SINHCAF: variants seen among roughly 807,000 people sequenced by gnomAD.
The protein encoded by SINHCAF is SIN3-HDAC complex associated factor, also known as SIN3-HDAC complex-associated factor.
Under a neutral mutation model 25.8 loss-of-function variants are expected in SINHCAF, and 3 were observed. The ratio of observed to expected loss-of-function variants is 0.12; its 90% CI spans 0.05 to 0.30. The LOEUF (loss-of-function observed/expected upper bound fraction) is 0.30. Ranked by LOEUF, SINHCAF falls within the 10% of genes least tolerant of loss-of-function variation. The pLI is 1.00. For missense variants in SINHCAF, 121 were observed against 262.3 expected, an observed-to-expected ratio of 0.46 and a Z score of 3.72; for synonymous variants, 70 against 85.5, an observed-to-expected ratio of 0.82 and a Z score of 1.00.
intron 1 of SINHCAF, among the ~76,000 whole-genome samples, chr12:31,308,637 T>C (rs893281828): frequency 6.6e-6 from 1 of 152,152 alleles, no homozygotes; most frequent in Non-Finnish European, 1.5e-5. Context: ...GGATGAGGGA[T>C]GAGGATCCCC....
rs536967402 is a variant in SINHCAF at position 31,285,691 on chromosome 12, T to C, written c.506+1943A>G. 1.1e-4 allele frequency among the ~76,000 whole-genome samples: 16 copies of C among 152,084 alleles called. 1 individual carries two copies. In the South Asian group the frequency reaches 2.7e-3, roughly 26 times the overall value. On this transcript the variant is annotated intron_variant, in intron 5 of 5. Transcript: ENST00000337682. ...TCACAGAATTGTCATAAAGACTAAA[T>C]AAGGCCAGGTGCAGTAACTCACACC...
At chr12:31,309,664 A>ATTTTTTTTTTTTT (rs869251301) in intron 1 of SINHCAF, among the ~76,000 whole-genome samples, 7 of 128,740 alleles carry the variant, frequency 5.4e-5, no homozygotes, top group East Asian at 2.2e-4. Flanking sequence ...TCAACTTGTG[A>ATTTTTTTTTTTTT]TTTTTTTTTT....
chr12:31,299,636 T>C (rs994754930), intron 1 of SINHCAF, among the ~76,000 whole-genome samples: 3 of 152,208 alleles, frequency 2.0e-5, no homozygotes, highest in Non-Finnish European at 2.9e-5. Flanking sequence ...TTAATATCAC[T>C]TTCGTGTCCA....
chr12:31,300,173 TG>T (rs1260139411), intron 1 of SINHCAF, among the ~76,000 whole-genome samples: 1 of 152,144 alleles, frequency 6.6e-6, no homozygotes, highest in Non-Finnish European at 1.5e-5. Flanking sequence ...GCTTTTTATG[TG>T]TATTTTTTTG....
chr12:31,287,828 T>C (rs774126890), intron 4 of SINHCAF, 44 bp from the exon 5 acceptor site: 224 of 1,436,448 alleles, frequency 1.6e-4, no homozygotes, highest in Non-Finnish European at 2.1e-4. Context: ...TCAATTTCAT[T>C]ACATGTAATT....
At chr12:31,320,057 A>AT (rs1275595767) in intron 1 of SINHCAF, among the ~76,000 whole-genome samples, 1 of 152,082 alleles carries the variant, frequency 6.6e-6, no homozygotes, top group Non-Finnish European at 1.5e-5. Flanking sequence ...GTTCCTCATC[A>AT]TGGTGCATGA....
chr12:31,318,794 T>C (rs966063268), intron 1 of SINHCAF, among the ~76,000 whole-genome samples: 1 of 152,190 alleles, frequency 6.6e-6, no homozygotes, highest in South Asian at 2.1e-4. Context: ...AATATAACCA[T>C]ACTTGGGTCT....
chr12:31,322,124 A>G (rs1015088476), intron 1 of SINHCAF, among the ~76,000 whole-genome samples: 1 of 152,070 alleles, frequency 6.6e-6, no homozygotes, highest in African/African-American at 2.4e-5. Context: ...CGTATCTCCA[A>G]CCTCCCACAA....
chr12:31,325,323 A>T lies in SINHCAF; in HGVS notation c.-21+701T>A, dbSNP rs933626775. 6.8e-6 allele frequency: 3 copies of T among 438,194 alleles called. No individual in the cohort carries two copies. Among genetic ancestry groups the T allele is most frequent in the Non-Finnish European group, 1.4e-5 (3 of 218,154 alleles). The allele number at this position is 438,194 out of a possible 1,614,324, so 27.1% of individuals were successfully genotyped here. A position where few individuals can be genotyped will look rare whatever the true frequency, so the allele number is the denominator to read the frequency against. On this transcript the variant is annotated intron_variant, in intron 1 of 5. Transcript: ENST00000337682. The surrounding 1 kb of genome is among the most constrained non-coding windows in gnomAD (Gnocchi z 5.9). ...GCGAGTGGAAGACGGGCTGTTTTTAAGCGACCGCGTGTTGCTCTCATTGTC... is the reference window on the plus strand; with the variant it reads ...GCGAGTGGAAGACGGGCTGTTTTTATGCGACCGCGTGTTGCTCTCATTGTC...
In SINHCAF at chr12:31,324,814, C is replaced by T; in HGVS notation, c.-21+1210G>A. The stretch of plus-strand genomic sequence containing the variant: ...CCCGACCCTCCCCTCGGGAGCAGGC[C>T]CATTTAATCAAAGTTTTGCAGTGTC... On this transcript the variant is annotated intron_variant, in intron 1 of 5. Coordinates refer to ENST00000337682, the MANE Select transcript of SINHCAF (RefSeq NM_001135812.2). This position sits in a 1 kb window ranked among gnomAD's most constrained non-coding sequence, Gnocchi z 5.5. The T allele has an allele frequency of 1.1e-5, 4 of 372,228 alleles. No homozygotes were observed. Among genetic ancestry groups the T allele is most frequent in the Non-Finnish European group, 1.6e-5 (3 of 184,806 alleles). The allele number at this position is 372,228 out of a possible 1,614,324, so 23.1% of individuals were successfully genotyped here. A position where few individuals can be genotyped will look rare whatever the true frequency, so the allele number is the denominator to read the frequency against.
At chr12:31,312,021 G>T (rs536231428) in intron 1 of SINHCAF, 101 of 670,278 alleles carry the variant, frequency 1.5e-4, no homozygotes, top group African/African-American at 1.5e-3. Flanking sequence ...CAAAGGAGAA[G>T]TAACTTTTGA....
chr12:31,300,727 G>C (rs947847505), intron 1 of SINHCAF, among the ~76,000 whole-genome samples: 1 of 152,138 alleles, frequency 6.6e-6, no homozygotes, highest in Non-Finnish European at 1.5e-5. Context: ...TTTAATTTGT[G>C]TATTCCTGTT....
intron 1 of SINHCAF, among the ~76,000 whole-genome samples, chr12:31,316,664 T>C (rs951142892): frequency 1.4e-4 from 22 of 152,200 alleles, no homozygotes; most frequent in African/African-American, 5.3e-4. Context: ...TAGTTTATAT[T>C]AAAGACGCTA....
chr12:31,313,088 G>A (rs755868023), intron 1 of SINHCAF, among the ~76,000 whole-genome samples: 2 of 152,048 alleles, frequency 1.3e-5, no homozygotes, highest in African/African-American at 2.4e-5. Context: ...GCAATGGCAC[G>A]ATCTCGGCTC....
At chr12:31,323,307 A>G (rs1051408589) in intron 1 of SINHCAF, among the ~76,000 whole-genome samples, 5 of 152,222 alleles carry the variant, frequency 3.3e-5, no homozygotes, top group Non-Finnish European at 7.3e-5. Context: ...AAATGTGTTC[A>G]ATTTTGCGAC....
chr12:31,300,783 G>A (rs975705933), intron 1 of SINHCAF, among the ~76,000 whole-genome samples: 10 of 152,112 alleles, frequency 6.6e-5, no homozygotes, highest in East Asian at 3.9e-4. Flanking sequence ...ACCACCCTGC[G>A]CTCTTCTCCA....
Position 31,282,653 on chromosome 12 carries a change from G to T in SINHCAF, c.*59C>A. On this transcript the variant is annotated 3_prime_UTR_variant, in exon 6 of 6. Transcript: ENST00000337682. ...AAAAAGAGGGTCAGTTTGTAGCTTT[G>T]TGGTTTTTCAAAATTCAGATATTTT... 7.1e-7 allele frequency: 1 copy of T among 1,405,978 alleles called. No homozygotes were observed. The highest frequency in any genetic ancestry group is 9.6e-7 in the Non-Finnish European group (1 of 1,041,770). The allele number at this position is 1,405,978 out of a possible 1,614,324, so 87.1% of individuals were successfully genotyped here. A position where few individuals can be genotyped will look rare whatever the true frequency, so the allele number is the denominator to read the frequency against.
At position 31,326,097 on chromosome 12, in the gene SINHCAF, A is replaced by G. The variant is rs186103426; in HGVS notation, c.-94T>C. ...GTGCACGCCAGGCCAGTCCCCCTCA[A>G]GCGCTCCCTCCTCCTCAACTGCCTT... On this transcript the variant is annotated 5_prime_UTR_variant, in exon 1 of 6. Coordinates refer to ENST00000337682, the MANE Select transcript of SINHCAF (RefSeq NM_001135812.2). The G allele has an allele frequency of 4.6e-5, 7 of 152,414 alleles. No homozygotes were observed. Among genetic ancestry groups the G allele is most frequent in the African/African-American group, 7.2e-5 (3 of 41,578 alleles). The allele number at this position is 152,414 out of a possible 1,614,324, so 9.4% of individuals were successfully genotyped here.
chr12:31,320,616 A>G (rs893454116), intron 1 of SINHCAF, among the ~76,000 whole-genome samples: 2 of 152,194 alleles, frequency 1.3e-5, no homozygotes, highest in African/African-American at 4.8e-5. Context: ...AAGGGCATGG[A>G]ATGGGAAATG....
Sources: gnomAD v4.1 joint callset for allele counts (sites outside exome capture counted in the v4.1 genomes callset) on GRCh38, gnomAD v4.1.1 for gene constraint, Gnocchi (gnomAD v3.1) non-coding constraint, MANE v1.5 for transcripts, NCBI Gene and HGNC (gene_info 2026-07-23, HGNC 2026-07-21) for gene names.